Variants in IL3RA observed in about 807,000 individuals in gnomAD.
The protein encoded by IL3RA is interleukin 3 receptor subunit alpha.
Under a neutral mutation model 52.3 loss-of-function variants are expected in IL3RA, and 73 were observed. The ratio of observed to expected loss-of-function variants is 1.40; its 90% CI spans 1.16 to 1.70. IL3RA has a LOEUF of 1.70. Ranked by LOEUF, IL3RA falls within the 40% of genes most tolerant of loss-of-function variation. IL3RA has a pLI of 0.00. For synonymous variants in IL3RA, 260 were observed against 194.0 expected (o/e 1.34, Z -2.83); for missense variants, 664 against 504.4 (o/e 1.32, Z -3.03).
intron 6 of IL3RA, among the ~76,000 whole-genome samples, chrX:1,355,858 G>C (rs1308983016): frequency 6.6e-6 from 1 of 152,046 alleles, no homozygotes; most frequent in African/African-American, 2.4e-5. Flanking sequence ...AGGCTGCCCA[G>C]CGGGGCTGAG....
Position 1,347,172 on chromosome X carries a change from C to T in IL3RA, c.184-1259C>T, listed in dbSNP as rs778056306. ...TATAAGAATACACAAGTAGGCCGGGCGTGGTGGCTCACGCCTGTCATCCCA... is the reference window on the plus strand; with the variant it reads ...TATAAGAATACACAAGTAGGCCGGGTGTGGTGGCTCACGCCTGTCATCCCA... On this transcript the variant is annotated intron_variant, in intron 3 of 11. Coordinates refer to ENST00000331035, the MANE Select transcript of IL3RA (RefSeq NM_002183.4). Among the ~76,000 whole-genome samples, 46 of 151,574 alleles carry T rather than the reference C, an allele frequency of 3.0e-4. 2 individuals are homozygous for T. Among genetic ancestry groups the T allele is most frequent in the South Asian group, 1.9e-3 (9 of 4,804 alleles).
chrX:1,347,409 C>T (rs1404398454), intron 3 of IL3RA, among the ~76,000 whole-genome samples: 1 of 151,258 alleles, frequency 6.6e-6, no homozygotes, highest in Non-Finnish European at 1.5e-5. Context: ...CGCGCCACTG[C>T]ACTCCAGCCT....
At chrX:1,342,675 C>G (rs2085538518) in intron 2 of IL3RA, among the ~76,000 whole-genome samples, 1 of 149,766 alleles carries the variant, frequency 6.7e-6, no homozygotes, top group Non-Finnish European at 1.5e-5. Flanking sequence ...ATTCTCCTGT[C>G]TCAGCCTCCC....
intron 10 of IL3RA, among the ~76,000 whole-genome samples, chrX:1,380,331 CCCTGTTTCCTT>C (rs1224727588): frequency 3.5e-5 from 5 of 142,820 alleles, no homozygotes; most frequent in African/African-American, 1.3e-4. Flanking sequence ...ACCAGCCAGG[CCCTGTTTCCTT>C]CCTGCTGGGC....
chrX:1,348,511 A>G lies in IL3RA; in HGVS notation c.264A>G (p.Pro88=), dbSNP rs17879004. ...VTNYTVRVAN[P]PFSTWILFPE... ...ACTACACCGTCCGAGTGGCCAACCC[A>G]CCATTCTCCACGTGGATCCTCTTCC... is the stretch of plus-strand genomic sequence containing the variant. Residue 88 remains proline, a synonymous_variant, in exon 4 of 12, where the codon CCA becomes CCG. Transcript: ENST00000331035. 4.3e-6 allele frequency: 7 copies of G among 1,613,484 alleles called. No individual in the cohort carries two copies. The highest frequency in any genetic ancestry group is 4.2e-6 in the Non-Finnish European group (5 of 1,179,662).
At chrX:1,347,270 C>G (rs778128471) in intron 3 of IL3RA, among the ~76,000 whole-genome samples, 3 of 140,694 alleles carry the variant, frequency 2.1e-5, no homozygotes, top group African/African-American at 8.0e-5. Flanking sequence ...ACGGTGAAAC[C>G]CCGTCTCTAC....
chrX:1,349,333 C>T (rs377421012), intron 4 of IL3RA, among the ~76,000 whole-genome samples: 56 of 151,926 alleles, frequency 3.7e-4, no homozygotes, highest in East Asian at 2.3e-3. Flanking sequence ...AGGCGCCCAC[C>T]GCCACGCCCA....
At chrX:1,358,404 A>T (rs2086902174) in intron 7 of IL3RA, among the ~76,000 whole-genome samples, 1 of 152,090 alleles carries the variant, frequency 6.6e-6, no homozygotes, top group South Asian at 2.1e-4. Flanking sequence ...GCATGCCTGT[A>T]ATCCCAGCAC....
At chrX:1,341,059 G>C (rs1436331772) in intron 1 of IL3RA, among the ~76,000 whole-genome samples, 2 of 151,202 alleles carry the variant, frequency 1.3e-5, no homozygotes, top group Non-Finnish European at 2.9e-5. Context: ...GGAGGTTGCA[G>C]TGAGCCCAGA....
At chrX:1,353,975 CACCCCCATCATGGGTCATGGGAG>C (rs2086397156) in intron 6 of IL3RA, among the ~76,000 whole-genome samples, 9 of 64,088 alleles carry the variant, frequency 1.4e-4, no homozygotes, top group African/African-American at 3.4e-4. Flanking sequence ...GTGGGACCCC[CACCCCCATCATGGGTCATGGGAG>C]CCCCCATTGT....
chrX:1,376,673 A>C (rs6645276), intron 9 of IL3RA, among the ~76,000 whole-genome samples: 1 of 93,030 alleles, frequency 1.1e-5, no homozygotes, highest in Non-Finnish European at 2.3e-5. Context: ...CCCAGGAGAG[A>C]GGCCTCAGGA....
chrX:1,348,246 G>A (rs779163835), intron 3 of IL3RA, among the ~76,000 whole-genome samples, 185 bp from the exon 4 acceptor site: 5 of 151,004 alleles, frequency 3.3e-5, no homozygotes, highest in African/African-American at 4.9e-5. Context: ...CCAGGTGCTC[G>A]GGAGGTTGAA....
rs183368390 is a variant in IL3RA at position 1,356,195 on chromosome X, C to T, written c.617-26C>T. On this transcript the variant is annotated intron_variant, in intron 6 of 11. Coordinates refer to ENST00000331035, the MANE Select transcript of IL3RA (RefSeq NM_002183.4). ...GAATTGATTTCTTGTACTCCTAAAT[C>T]CTAAAAGTGTTTTTCTCGTTGCTAG... The T allele has an allele frequency of 1.1e-5, 15 of 1,338,624 alleles. No individual in the cohort carries two copies. The East Asian group carries it at 3.0e-4, about 27-fold the overall frequency. 82.9% of individuals were successfully genotyped at this position (1,338,624 alleles called of 1,614,324 possible).
At chrX:1,356,938 G>A (rs1394356066) in intron 7 of IL3RA, among the ~76,000 whole-genome samples, 1 of 151,882 alleles carries the variant, frequency 6.6e-6, no homozygotes, top group Non-Finnish European at 1.5e-5. Context: ...ACAGTTCGTT[G>A]GATCAGTTGA....
At chrX:1,346,025 C>T (rs1801509989) in intron 3 of IL3RA, among the ~76,000 whole-genome samples, 1 of 151,956 alleles carries the variant, frequency 6.6e-6, no homozygotes, top group African/African-American at 2.4e-5. Flanking sequence ...GTGCGAAACC[C>T]AACCCCACGC....
chrX:1,361,775 AAATG>A (rs2087411075), intron 8 of IL3RA, among the ~76,000 whole-genome samples: 3 of 151,444 alleles, frequency 2.0e-5, no homozygotes, highest in Admixed American at 6.6e-5. Context: ...AAAAAAAAAA[AAATG>A]AGAGCCGAGA....
chrX:1,348,375 A>T, intron 3 of IL3RA, 56 bp from the exon 4 acceptor site: 1 of 1,334,678 alleles, frequency 7.5e-7, no homozygotes, highest in Non-Finnish European at 1.1e-6. Flanking sequence ...GAACATCATT[A>T]GCGTCAAATT....
chrX:1,342,826 C>G (rs1456891363), intron 2 of IL3RA, among the ~76,000 whole-genome samples: 1 of 150,056 alleles, frequency 6.7e-6, no homozygotes, highest in Non-Finnish European at 1.5e-5. Context: ...TGGGATTACA[C>G]ACTTTGGGAG....
chrX:1,382,451 G>A lies in IL3RA; in HGVS notation c.1123G>A (p.Val375Met), dbSNP rs745959361. ...EECLVTEVQVVQKT is the reference protein window; with the variant it reads ...EECLVTEVQVMQKT ...GTGTCTGGTGACTGAAGTACAGGTC[G>A]TGCAGAAAACTTGAGACTGGGGTTC... Residue 375 changes from valine to methionine, a missense_variant, in exon 12 of 12, where the codon GTG becomes ATG. Transcript: ENST00000331035. The A allele has an allele frequency of 9.9e-6, 16 of 1,613,740 alleles. No individual in the cohort carries two copies. The East Asian group carries it at 1.3e-4, about 13-fold the overall frequency.
Sources: allele counts gnomAD v4.1 joint callset (sites outside exome capture counted in the v4.1 genomes callset), GRCh38; gene constraint gnomAD v4.1.1; transcripts MANE v1.5; gene names NCBI Gene and HGNC (gene_info 2026-07-23, HGNC 2026-07-21).